The following P2RY8 variants were observed in gnomAD, a reference collection of about 807,000 sequenced individuals.
P2RY8 encodes P2Y receptor family member 8.
P2RY8 carries 6 observed loss-of-function variants against 10.0 expected under a neutral mutation model. That is an observed-to-expected ratio of 0.60 (90% CI 0.33 to 1.19). P2RY8 has a LOEUF of 1.19. Ranked by LOEUF, P2RY8 falls within the 50% of genes most tolerant of loss-of-function variation. The pLI is 0.04. For missense variants in P2RY8, 456 were observed against 542.0 expected (o/e 0.84, Z 1.58); for synonymous variants, 276 against 252.5 (o/e 1.09, Z -0.88).
intron 1 of P2RY8, among the ~76,000 whole-genome samples, chrX:1,517,964 C>T (rs2092362603): frequency 6.6e-6 from 1 of 150,742 alleles, no homozygotes. Context: ...CAAAAATTAG[C>T]TGGGCGTGGT....
chrX:1,466,122 C>A lies in P2RY8; in HGVS notation c.437G>T (p.Gly146Val). The change falls in exon 2 of 2, where the codon GGG becomes GTG. Residue 146 changes from glycine (G) to valine (V), a missense_variant. Physicochemically the swap from Gly to Val is moderately radical, Grantham distance 109. Coordinates refer to ENST00000381297, the MANE Select transcript of P2RY8 (RefSeq NM_178129.5). ...RRRYAVAACA[G>V]TWLLLLTALS... Reference sequence around the variant, plus strand: ...GGCGGTCAGGAGCAGCAGCCAGGTCCCTGCACACGCGGCCACCGCGTAACG... The same window carrying A: ...GGCGGTCAGGAGCAGCAGCCAGGTCACTGCACACGCGGCCACCGCGTAACG... 1 of 1,611,716 alleles carries A rather than the reference C, an allele frequency of 6.2e-7. No individual in the cohort carries two copies.
In P2RY8 at chrX:1,466,060, C is replaced by G; in HGVS notation, c.499G>C (p.Val167Leu). Residue 167 changes from valine (V) to leucine (L), a missense_variant, in exon 2 of 2, where the codon GTG becomes CTG. Coordinates refer to ENST00000381297, the MANE Select transcript of P2RY8 (RefSeq NM_178129.5). ...PLARTDLTYP[V>L]HALGIITCFD... ...CAGGTGATGATGCCCAGGGCGTGCA[C>G]CGGGTAGGTGAGATCGGTGCGCGCC... is the stretch of plus-strand genomic sequence containing the variant. The G allele has an allele frequency of 6.2e-7, 1 of 1,611,754 alleles. No individual in the cohort carries two copies.
At position 1,485,472 on chromosome X, in the gene P2RY8, A is replaced by T. The variant is rs2091978226; in HGVS notation, c.-24-18890T>A. ...ATGCCTTACTGTAAATTATGGGTAAATGTGTACACATTAAATTAAATATTA... is the reference window on the plus strand; with the variant it reads ...ATGCCTTACTGTAAATTATGGGTAATTGTGTACACATTAAATTAAATATTA... On this transcript the variant is annotated intron_variant, in intron 1 of 1. Coordinates refer to ENST00000381297, the MANE Select transcript of P2RY8 (RefSeq NM_178129.5). Among the ~76,000 whole-genome samples the T allele has an allele frequency of 2.6e-5, 4 of 152,088 alleles. No homozygotes were observed. The South Asian group carries it at 8.3e-4, about 32-fold the overall frequency.
chrX:1,482,020 T>C (rs759198521), intron 1 of P2RY8, among the ~76,000 whole-genome samples: 1 of 152,338 alleles, frequency 6.6e-6, no homozygotes, highest in East Asian at 1.9e-4. Flanking sequence ...CTGCGTCTTC[T>C]GCAAAGGCAG....
intron 1 of P2RY8, among the ~76,000 whole-genome samples, chrX:1,503,032 C>G (rs760613060): frequency 1.4e-4 from 21 of 151,970 alleles, no homozygotes; most frequent in African/African-American, 5.1e-4. Context: ...TTAAGGATCT[C>G]AAGATGAGAT....
intron 1 of P2RY8, among the ~76,000 whole-genome samples, chrX:1,506,669 ACTTT>A (rs1254785161): frequency 6.9e-6 from 1 of 145,072 alleles, no homozygotes; most frequent in Non-Finnish European, 1.5e-5. Context: ...CTTGCTGGCC[ACTTT>A]CTTTCTTTCT....
Position 1,479,189 on chromosome X carries a change from A to G in P2RY8, c.-24-12607T>C, listed in dbSNP as rs186793391. 3.1e-3 allele frequency among the ~76,000 whole-genome samples: 469 copies of G among 152,350 alleles called. 2 individuals are homozygous for G. The highest frequency in any genetic ancestry group is 0.011 in the African/African-American group (448 of 41,576). The stretch of plus-strand genomic sequence containing the variant: ...TCCCCTCCAGGTCCCACTTCCCTTC[A>G]GAAGTAACCTCTGGGAGTTCGTTTG... On this transcript the variant is annotated intron_variant, in intron 1 of 1. Transcript: ENST00000381297.
Position 1,465,422 on chromosome X carries a change from A to ATGCGCCCCTGGATCTCCAAGC in P2RY8, c.*36_*56dup. ...GAACCTCTGGCACCGTGGCCTCTCC[A>ATGCGCCCCTGGATCTCCAAGC]TGCGCCCCTGGATCTCCAAGCTGCG... On this transcript the variant is annotated 3_prime_UTR_variant, in exon 2 of 2. Coordinates refer to ENST00000381297, the MANE Select transcript of P2RY8 (RefSeq NM_178129.5). 3.2e-6 allele frequency: 5 copies of ATGCGCCCCTGGATCTCCAAGC among 1,540,332 alleles called. No individual in the cohort carries two copies. In the South Asian group the frequency reaches 6.3e-5, roughly 19 times the overall value.
intron 1 of P2RY8, among the ~76,000 whole-genome samples, chrX:1,475,611 C>T (rs745456313): frequency 6.6e-6 from 1 of 150,480 alleles, no homozygotes; most frequent in Admixed American, 6.6e-5. Flanking sequence ...TTAGAGAAAG[C>T]GTCATCATAC....
chrX:1,533,638 A>G (rs1361313105), intron 1 of P2RY8, among the ~76,000 whole-genome samples: 2 of 122,964 alleles, frequency 1.6e-5, no homozygotes, highest in Non-Finnish European at 3.1e-5. Flanking sequence ...TATTATTTAC[A>G]TATTTATTAT....
chrX:1,514,720 TC>T (rs1269544949), intron 1 of P2RY8, among the ~76,000 whole-genome samples: 83 of 4,740 alleles, frequency 0.018, 21 homozygotes, highest in Non-Finnish European at 0.023. Flanking sequence ...TTCCTTCCCT[TC>T]CCTTCCCTTC....
intron 1 of P2RY8, among the ~76,000 whole-genome samples, chrX:1,531,347 T>C (rs1277821448): frequency 3.9e-5 from 6 of 152,140 alleles, no homozygotes; most frequent in African/African-American, 1.4e-4. Context: ...TTGTGTCTCA[T>C]GAATGGTTCT....
chrX:1,508,825 C>G (rs1180103360), intron 1 of P2RY8, among the ~76,000 whole-genome samples: 2 of 144,220 alleles, frequency 1.4e-5, no homozygotes, highest in Non-Finnish European at 3.0e-5. Flanking sequence ...ATCTATGCAT[C>G]CATCCATCCA....
At chrX:1,513,284 G>A (rs1199383294) in intron 1 of P2RY8, among the ~76,000 whole-genome samples, 2 of 152,116 alleles carry the variant, frequency 1.3e-5, no homozygotes, top group East Asian at 3.9e-4. Flanking sequence ...TGGGCATTTG[G>A]ATTGGTCCCA....
intron 1 of P2RY8, among the ~76,000 whole-genome samples, chrX:1,521,944 C>CTTTT (rs751056296): frequency 0.4 from 15,657 of 38,680 alleles, 5,097 homozygotes; most frequent in East Asian, 0.62. Context: ...CTCTCGCTCT[C>CTTTT]TTTTTTTTTT....
At chrX:1,467,551 T>C (rs1603453161) in intron 1 of P2RY8, among the ~76,000 whole-genome samples, 1 of 152,278 alleles carries the variant, frequency 6.6e-6, no homozygotes, top group South Asian at 2.1e-4. Context: ...GTGGGGGACG[T>C]CTGGAAGGAG....
chrX:1,465,985 C>G lies in P2RY8; in HGVS notation c.574G>C (p.Val192Leu). The G allele has an allele frequency of 6.2e-7, 1 of 1,612,332 alleles. No homozygotes were observed. Among genetic ancestry groups the G allele is most frequent in the Non-Finnish European group, 8.5e-7 (1 of 1,179,794 alleles). The change falls in exon 2 of 2, where the codon GTG becomes CTG. Residue 192 changes from valine to leucine, a missense_variant. Physicochemically the swap from Val to Leu is conservative, Grantham distance 32. Coordinates refer to ENST00000381297, the MANE Select transcript of P2RY8 (RefSeq NM_178129.5). ...AGGATGAAGATGGTGAAGAGGAACA[C>G]GGCCCACATGGCCACGCTGGGGAGC... The part of the protein sequence containing the change: ...TMLPSVAMWA[V>L]FLFTIFILLF...
chrX:1,520,368 A>C (rs186327715), intron 1 of P2RY8, among the ~76,000 whole-genome samples: 1 of 149,306 alleles, frequency 6.7e-6, no homozygotes, highest in African/African-American at 2.5e-5. Flanking sequence ...GGTTTCCAAC[A>C]TTATCTCTGG....
chrX:1,486,092 C>T (rs1203147542), intron 1 of P2RY8, among the ~76,000 whole-genome samples: 1 of 152,136 alleles, frequency 6.6e-6, no homozygotes, highest in Non-Finnish European at 1.5e-5. Flanking sequence ...GTGGCAGGCA[C>T]CTGTCATCCC....
Sources: allele counts gnomAD v4.1 joint callset (sites outside exome capture counted in the v4.1 genomes callset), GRCh38; gene constraint gnomAD v4.1.1; transcripts MANE v1.5; gene names NCBI Gene and HGNC (gene_info 2026-07-23, HGNC 2026-07-21).